Variants in NRXN1 observed in about 807,000 individuals in gnomAD.
The protein encoded by NRXN1 is neurexin-1.
In NRXN1, 39 loss-of-function variants were observed where a neutral mutation model predicts 150.9. The observed-to-expected ratio is 0.26, with a 90% confidence interval of 0.20 to 0.34. The LOEUF is 0.34. Ranked by LOEUF, NRXN1 falls within the 10% of genes least tolerant of loss-of-function variation. The pLI, the probability that NRXN1 is intolerant of heterozygous loss-of-function variation, is 1.00. For missense variants in NRXN1, 1,815 were observed against 1,949.9 expected, an observed-to-expected ratio of 0.93 and a Z score of 1.30; for synonymous variants, 924 against 757.0, an observed-to-expected ratio of 1.22 and a Z score of -3.62.
intron 5 of NRXN1, among the ~76,000 whole-genome samples, chr2:50,911,023 C>T (rs1684438715): frequency 6.6e-6 from 1 of 151,934 alleles, no homozygotes; most frequent in Non-Finnish European, 1.5e-5. Flanking sequence ...AGAACAGATA[C>T]ATCAGTTAAA....
At chr2:50,196,978 A>G in intron 18 of NRXN1, among the ~76,000 whole-genome samples, 1 of 152,168 alleles carries the variant, frequency 6.6e-6, no homozygotes, top group Admixed American at 6.6e-5. Context: ...CAGCTTGGTG[A>G]TTAAATGATC....
chr2:50,849,731 G>A (rs899101383), intron 5 of NRXN1, among the ~76,000 whole-genome samples: 1 of 152,062 alleles, frequency 6.6e-6, no homozygotes, highest in African/African-American at 2.4e-5. Context: ...GCTATTTCCT[G>A]TGTGCTATCT....
chr2:50,250,479 A>G (rs1202293698), intron 17 of NRXN1, among the ~76,000 whole-genome samples: 3 of 151,966 alleles, frequency 2.0e-5, no homozygotes, highest in African/African-American at 4.8e-5. Flanking sequence ...AAATACCACT[A>G]TGTCTTATCT....
At chr2:50,492,454 T>C (rs990187873) in intron 15 of NRXN1, among the ~76,000 whole-genome samples, 15 of 152,182 alleles carry the variant, frequency 9.9e-5, no homozygotes, top group African/African-American at 3.6e-4. Context: ...ATGAAATACA[T>C]GAGCCCCAGT....
At chr2:50,700,995 T>C (rs1693662845) in intron 5 of NRXN1, among the ~76,000 whole-genome samples, 1 of 152,020 alleles carries the variant, frequency 6.6e-6, no homozygotes, top group South Asian at 2.1e-4. Context: ...ATCTCTTAAA[T>C]TGTCCGAAGG....
chr2:50,697,629 C>T (rs1160942042), intron 5 of NRXN1, among the ~76,000 whole-genome samples: 1 of 152,162 alleles, frequency 6.6e-6, no homozygotes, highest in African/African-American at 2.4e-5. Context: ...TTCTGTAGCC[C>T]ATGCTTCACT....
At chr2:50,356,160 A>T (rs1223029788) in intron 17 of NRXN1, among the ~76,000 whole-genome samples, 1 of 152,138 alleles carries the variant, frequency 6.6e-6, no homozygotes, top group African/African-American at 2.4e-5. Context: ...TCTTAACTGT[A>T]GGGTTTTATA....
intron 18 of NRXN1, among the ~76,000 whole-genome samples, chr2:50,147,078 C>G (rs578168217): frequency 1.3e-4 from 20 of 151,786 alleles, no homozygotes; most frequent in African/African-American, 4.8e-4. Context: ...TTGGTGGGTC[C>G]TCTATAATAG....
chr2:50,901,342 T>C (rs1023409545), intron 5 of NRXN1, among the ~76,000 whole-genome samples: 1 of 152,016 alleles, frequency 6.6e-6, no homozygotes, highest in African/African-American at 2.4e-5. Flanking sequence ...GAGACCATCC[T>C]GGCTAACATG....
intron 5 of NRXN1, among the ~76,000 whole-genome samples, chr2:50,860,439 C>G (rs1675963130): frequency 6.6e-6 from 1 of 152,134 alleles, no homozygotes; most frequent in South Asian, 2.1e-4. Context: ...GAGGTGCGAC[C>G]TGCAGAGGTC....
At chr2:50,456,074 T>A (rs750698726) in intron 17 of NRXN1, among the ~76,000 whole-genome samples, 2 of 152,148 alleles carry the variant, frequency 1.3e-5, no homozygotes, top group Non-Finnish European at 2.9e-5. Flanking sequence ...TCTGCTTCTC[T>A]CCCTAAAGGG....
At chr2:51,001,716 G>T (rs1488151569) in intron 2 of NRXN1, among the ~76,000 whole-genome samples, 1 of 151,896 alleles carries the variant, frequency 6.6e-6, no homozygotes, top group Non-Finnish European at 1.5e-5. Context: ...TTTCATTCTT[G>T]ATAGGAAAAA....
At chr2:50,921,641 G>C (rs1191205814) in intron 5 of NRXN1, among the ~76,000 whole-genome samples, 1 of 151,550 alleles carries the variant, frequency 6.6e-6, no homozygotes, top group African/African-American at 2.4e-5. Flanking sequence ...AATTATGTGA[G>C]CACCTGACAT....
intron 5 of NRXN1, among the ~76,000 whole-genome samples, chr2:50,891,077 A>G (rs1256062728): frequency 6.6e-6 from 1 of 151,994 alleles, no homozygotes; most frequent in Non-Finnish European, 1.5e-5. Context: ...AGGATACTCC[A>G]CAGCCTCCTC....
At chr2:50,546,071 G>C (rs999406601) in intron 9 of NRXN1, among the ~76,000 whole-genome samples, 2 of 152,008 alleles carry the variant, frequency 1.3e-5, no homozygotes, top group African/African-American at 4.8e-5. Flanking sequence ...AAAAATGGGG[G>C]GCCGGGCCGA....
intron 18 of NRXN1, among the ~76,000 whole-genome samples, chr2:50,143,487 T>G (rs1707564607): frequency 6.6e-6 from 1 of 151,982 alleles, no homozygotes; most frequent in Non-Finnish European, 1.5e-5. Context: ...ATAATTAAAA[T>G]CAACCTAGAT....
At chr2:50,974,485 G>C (rs1047792140) in intron 2 of NRXN1, among the ~76,000 whole-genome samples, 1 of 152,126 alleles carries the variant, frequency 6.6e-6, no homozygotes, top group African/African-American at 2.4e-5. Context: ...AGATATACTT[G>C]AGGAAAGGCT....
intron 17 of NRXN1, among the ~76,000 whole-genome samples, chr2:50,345,638 GA>G (rs1357643904): frequency 6.6e-6 from 1 of 152,206 alleles, no homozygotes; most frequent in African/African-American, 2.4e-5. Flanking sequence ...GGGGAATCTG[GA>G]ATAGATATTT....
intron 5 of NRXN1, among the ~76,000 whole-genome samples, chr2:50,890,458 T>G (rs1047422646): frequency 6.6e-6 from 1 of 151,810 alleles, no homozygotes; most frequent in African/African-American, 2.4e-5. Context: ...GGAGGACATT[T>G]AAGGAGTGAA....
Sources: allele counts gnomAD v4.1 joint callset (sites outside exome capture counted in the v4.1 genomes callset), GRCh38; gene constraint gnomAD v4.1.1; transcripts MANE v1.5; gene names NCBI Gene and HGNC (gene_info 2026-07-23, HGNC 2026-07-21).